The following HS3ST4 variants were observed in gnomAD, a reference collection of about 807,000 sequenced individuals.
HS3ST4 encodes heparan sulfate-glucosamine 3-sulfotransferase 4.
HS3ST4 carries 17 observed loss-of-function variants against 29.2 expected under a neutral mutation model. The observed-to-expected ratio is 0.58, with a 90% CI of 0.40 to 0.87. The LOEUF is 0.87. Ranked by LOEUF, HS3ST4 falls within the 40% of genes least tolerant of loss-of-function variation. HS3ST4 has a pLI of 0.00. For synonymous variants in HS3ST4, 314 were observed against 285.7 expected (o/e 1.10, Z -1.00); for missense variants, 627 against 634.5 (o/e 0.99, Z 0.13).
chr16:26,057,569 A>G (rs1898425350), intron 1 of HS3ST4, among the ~76,000 whole-genome samples: 1 of 152,186 alleles, frequency 6.6e-6, no homozygotes, highest in African/African-American at 2.4e-5. Flanking sequence ...CCTGGCCAAC[A>G]TGGTGAAACT....
chr16:26,067,858 T>C (rs1175617017), intron 1 of HS3ST4, among the ~76,000 whole-genome samples: 1 of 152,098 alleles, frequency 6.6e-6, no homozygotes, highest in African/African-American at 2.4e-5. Flanking sequence ...TAAAGGGCAG[T>C]TCCCCTACAC....
chr16:25,805,466 G>A (rs576435235), intron 1 of HS3ST4, among the ~76,000 whole-genome samples: 1 of 152,142 alleles, frequency 6.6e-6, no homozygotes, highest in African/African-American at 2.4e-5. Context: ...TCAGACATGC[G>A]AACATGAGCT....
chr16:26,045,759 T>C (rs1451305310), intron 1 of HS3ST4, among the ~76,000 whole-genome samples: 1 of 152,258 alleles, frequency 6.6e-6, no homozygotes, highest in Non-Finnish European at 1.5e-5. Context: ...TTTACTGTTT[T>C]CCTGCACTTT....
At chr16:26,096,380 A>C (rs1898926106) in intron 1 of HS3ST4, among the ~76,000 whole-genome samples, 1 of 152,214 alleles carries the variant, frequency 6.6e-6, no homozygotes, top group African/African-American at 2.4e-5. Flanking sequence ...GCAGCACATC[A>C]AAAAGCTTAC....
At chr16:26,123,866 A>G (rs750372822) in intron 1 of HS3ST4, among the ~76,000 whole-genome samples, 57 of 152,162 alleles carry the variant, frequency 3.7e-4, no homozygotes, top group Non-Finnish European at 5.4e-4. Flanking sequence ...TTATGTCTGC[A>G]TAGTATTCCA....
At chr16:25,816,540 A>T (rs1450798266) in intron 1 of HS3ST4, among the ~76,000 whole-genome samples, 1 of 152,196 alleles carries the variant, frequency 6.6e-6, no homozygotes, top group Non-Finnish European at 1.5e-5. Flanking sequence ...ATAAGGCTAG[A>T]ATTGTCTCTA....
chr16:25,878,411 T>C lies in HS3ST4; in HGVS notation c.734+185260T>C, dbSNP rs117331294. On this transcript the variant is annotated intron_variant, in intron 1 of 1. Transcript: ENST00000331351. Reference sequence around the variant, plus strand: ...TCTCATTACGTTTGTTTAATGATGCTCAGAAGTGCTAGTATCTATCAGAAT... The same window carrying C: ...TCTCATTACGTTTGTTTAATGATGCCCAGAAGTGCTAGTATCTATCAGAAT... Among the ~76,000 whole-genome samples the C allele has an allele frequency of 4.1e-3, 625 of 152,296 alleles. 2 individuals carry two copies. The highest frequency in any genetic ancestry group is 6.6e-3 in the Non-Finnish European group (452 of 68,020).
At chr16:26,118,520 C>A (rs1899229022) in intron 1 of HS3ST4, among the ~76,000 whole-genome samples, 2 of 152,170 alleles carry the variant, frequency 1.3e-5, no homozygotes, top group African/African-American at 4.8e-5. Context: ...TAGCCACTAG[C>A]CATTCGTAAC....
At chr16:26,031,342 G>T (rs117165895) in intron 1 of HS3ST4, among the ~76,000 whole-genome samples, 2,377 of 152,304 alleles carry the variant, frequency 0.016, 28 homozygotes, top group Non-Finnish European at 0.025. Flanking sequence ...ACCAGGGATG[G>T]TCCCAGCTCA....
At chr16:26,090,488 C>T (rs982406855) in intron 1 of HS3ST4, among the ~76,000 whole-genome samples, 5 of 151,862 alleles carry the variant, frequency 3.3e-5, no homozygotes, top group African/African-American at 7.3e-5. Context: ...TGCAGAGGGG[C>T]ATGAAAAGGG....
chr16:26,128,373 C>T (rs1392276783), intron 1 of HS3ST4, among the ~76,000 whole-genome samples: 1 of 152,212 alleles, frequency 6.6e-6, no homozygotes. Flanking sequence ...ATCTTTTAAC[C>T]TGACCCTCTT....
At chr16:25,933,311 G>A (rs1469765189) in intron 1 of HS3ST4, 1 of 494,438 alleles carries the variant, frequency 2.0e-6, no homozygotes, top group Non-Finnish European at 4.1e-6. Flanking sequence ...GATTAGAAAA[G>A]GTTAGTTTCT....
At chr16:25,724,321 TAA>T (rs1383348227) in intron 1 of HS3ST4, among the ~76,000 whole-genome samples, 4 of 151,726 alleles carry the variant, frequency 2.6e-5, no homozygotes, top group African/African-American at 9.7e-5. Context: ...GAAGTTTAAA[TAA>T]AGTCACTAAT....
At chr16:26,056,294 C>G (rs1361361985) in intron 1 of HS3ST4, among the ~76,000 whole-genome samples, 1 of 152,150 alleles carries the variant, frequency 6.6e-6, no homozygotes, top group East Asian at 1.9e-4. Flanking sequence ...TTTTTGAGAA[C>G]TATTGGTCAA....
chr16:25,877,053 T>A (rs1038224652), intron 1 of HS3ST4, among the ~76,000 whole-genome samples: 3 of 152,020 alleles, frequency 2.0e-5, no homozygotes, highest in Admixed American at 6.6e-5. Flanking sequence ...AATGAAAGGA[T>A]GTCATCCTAG....
chr16:26,097,163 G>A (rs1042096875), intron 1 of HS3ST4, among the ~76,000 whole-genome samples: 1 of 152,142 alleles, frequency 6.6e-6, no homozygotes, highest in African/African-American at 2.4e-5. Flanking sequence ...ACTGCCCAAG[G>A]TAATTTATAG....
Position 25,973,677 on chromosome 16 carries a change from C to T in HS3ST4, c.735-161935C>T, listed in dbSNP as rs551488298. On this transcript the variant is annotated intron_variant, in intron 1 of 1. Coordinates refer to ENST00000331351, the MANE Select transcript of HS3ST4 (RefSeq NM_006040.3). ...CATCTGAAAACGAAATGATTTTTTC[C>T]GACCTTGAATACTTTGACAATTACA... Among the ~76,000 whole-genome samples the T allele has an allele frequency of 3.1e-4, 47 of 152,212 alleles. No homozygotes were observed. The South Asian group carries it at 8.5e-3, about 28-fold the overall frequency.
Position 25,914,824 on chromosome 16 carries a change from C to T in HS3ST4, c.735-220788C>T, listed in dbSNP as rs996795139. 2.0e-5 allele frequency among the ~76,000 whole-genome samples: 3 copies of T among 151,796 alleles called. No homozygotes were observed. The East Asian group carries it at 5.8e-4, about 29-fold the overall frequency. ...ACCCCTCTGTGAGAAACAGGGAGCC[C>T]TGGAGGCTCATGAAGGAAATCATCT... On this transcript the variant is annotated intron_variant, in intron 1 of 1. Coordinates refer to ENST00000331351, the MANE Select transcript of HS3ST4 (RefSeq NM_006040.3).
chr16:25,828,232 T>TTTTCTG (rs2141637412), intron 1 of HS3ST4, among the ~76,000 whole-genome samples: 3 of 83,382 alleles, frequency 3.6e-5, no homozygotes, highest in African/African-American at 1.8e-4. Context: ...CTTTCTTTCT[T>TTTTCTG]TCTTTCTTTC....
Sources: gnomAD v4.1 joint callset for allele counts (sites outside exome capture counted in the v4.1 genomes callset) on GRCh38, gnomAD v4.1.1 for gene constraint, MANE v1.5 for transcripts, NCBI Gene and HGNC (gene_info 2026-07-23, HGNC 2026-07-21) for gene names.